Variants in LPP observed in about 807,000 individuals in gnomAD.
LPP encodes the protein lipoma-preferred partner.
In LPP, 38 loss-of-function variants were observed where a neutral mutation model predicts 60.4. The ratio of observed to expected loss-of-function variants is 0.63; its 90% CI spans 0.49 to 0.83. The LOEUF (loss-of-function observed/expected upper bound fraction) is 0.83. Ranked by LOEUF, LPP falls within the 40% of genes least tolerant of loss-of-function variation. The pLI is 0.00. For missense variants in LPP, 902 were observed against 783.6 expected (o/e 1.15, Z -1.80); for synonymous variants, 328 against 290.8 (o/e 1.13, Z -1.30).
intron 8 of LPP, among the ~76,000 whole-genome samples, chr3:188,720,079 A>C (rs1461492136): frequency 2.0e-5 from 3 of 152,040 alleles, no homozygotes; most frequent in African/African-American, 7.2e-5. Context: ...CGCCCAGCTA[A>C]TTTTTGTATT....
chr3:188,442,825 C>T (rs906349844), intron 4 of LPP, among the ~76,000 whole-genome samples: 42 of 152,094 alleles, frequency 2.8e-4, no homozygotes, highest in African/African-American at 1.0e-3. Flanking sequence ...AGTTACATGT[C>T]AGATTGAGGG....
At chr3:188,399,407 T>C (rs576734354) in intron 3 of LPP, among the ~76,000 whole-genome samples, 3 of 152,294 alleles carry the variant, frequency 2.0e-5, no homozygotes, top group African/African-American at 7.2e-5. Context: ...TTATTTAAAT[T>C]GTAACAGCTT....
At chr3:188,833,237 G>A (rs573046558) in intron 9 of LPP, among the ~76,000 whole-genome samples, 1 of 152,318 alleles carries the variant, frequency 6.6e-6, no homozygotes, top group East Asian at 1.9e-4. Context: ...AGATAAAGAG[G>A]AGACCAGCCC....
chr3:188,232,248 G>C (rs1304265032), intron 2 of LPP, among the ~76,000 whole-genome samples: 13 of 152,134 alleles, frequency 8.5e-5, no homozygotes. Flanking sequence ...AATGAGGAAC[G>C]CACAGCTTTG....
intron 9 of LPP, among the ~76,000 whole-genome samples, chr3:188,816,199 T>TC (rs1491294712): frequency 3.4e-5 from 1 of 29,354 alleles, no homozygotes; most frequent in African/African-American, 1.0e-4. Context: ...CTTCCTTCTC[T>TC]TTTTTTTTTT....
chr3:188,708,721 G>T, intron 8 of LPP: 1 of 410,968 alleles, frequency 2.4e-6, no homozygotes, highest in South Asian at 4.3e-5. Flanking sequence ...AGCTGAGTGT[G>T]GTGGCATGTG....
At chr3:188,603,539 G>T (rs1403621000) in intron 6 of LPP, among the ~76,000 whole-genome samples, 2 of 151,976 alleles carry the variant, frequency 1.3e-5, no homozygotes, top group Non-Finnish European at 2.9e-5. Flanking sequence ...TGGAAAATGA[G>T]GATTGGTTTC....
At chr3:188,184,113 T>C (rs1725885698) in intron 1 of LPP, among the ~76,000 whole-genome samples, 1 of 152,168 alleles carries the variant, frequency 6.6e-6, no homozygotes, top group African/African-American at 2.4e-5. Flanking sequence ...GGGATTCTAA[T>C]TCATCGGGGC....
intron 8 of LPP, among the ~76,000 whole-genome samples, chr3:188,724,975 G>T (rs934967470): frequency 6.6e-6 from 1 of 152,220 alleles, no homozygotes; most frequent in Non-Finnish European, 1.5e-5. Context: ...GGCTCACTCA[G>T]TCGGAAGTTG....
intron 9 of LPP, among the ~76,000 whole-genome samples, chr3:188,845,197 A>G (rs1761101065): frequency 6.6e-6 from 1 of 152,240 alleles, no homozygotes. Context: ...TTTCTAAAGA[A>G]GTACCTAGAA....
chr3:188,688,739 A>G, intron 7 of LPP: 1 of 476,996 alleles, frequency 2.1e-6, no homozygotes, highest in Non-Finnish European at 4.3e-6. Flanking sequence ...TGCATGGTAG[A>G]CAACATGCTT....
At chr3:188,451,139 T>A (rs1796505783) in intron 4 of LPP, among the ~76,000 whole-genome samples, 1 of 152,220 alleles carries the variant, frequency 6.6e-6, no homozygotes, top group African/African-American at 2.4e-5. Context: ...CTTCATGCCA[T>A]CACCAGCACG....
At chr3:188,283,665 A>T (rs1742896835) in intron 2 of LPP, among the ~76,000 whole-genome samples, 1 of 152,182 alleles carries the variant, frequency 6.6e-6, no homozygotes, top group East Asian at 1.9e-4. Flanking sequence ...AGCCCAGGAC[A>T]CTTGGGTTCC....
chr3:188,291,644 T>TC (rs1745998277), intron 2 of LPP, among the ~76,000 whole-genome samples: 1 of 42,324 alleles, frequency 2.4e-5, no homozygotes, highest in Non-Finnish European at 5.7e-5. Context: ...AGACTCTGTC[T>TC]CAAAAAAAAA....
At chr3:188,168,280 C>T (rs542114497) in intron 1 of LPP, among the ~76,000 whole-genome samples, 33 of 152,284 alleles carry the variant, frequency 2.2e-4, no homozygotes, top group African/African-American at 7.5e-4. Flanking sequence ...TACCCAGGGC[C>T]GTACAGCTTG....
chr3:188,237,618 G>A (rs183847611), intron 2 of LPP, among the ~76,000 whole-genome samples: 21 of 152,238 alleles, frequency 1.4e-4, no homozygotes, highest in African/African-American at 4.8e-4. Flanking sequence ...CTCCATCAGA[G>A]ATCTTGTGTG....
intron 8 of LPP, chr3:188,712,242 A>G (rs997682044): frequency 6.6e-6 from 1 of 152,280 alleles, no homozygotes; most frequent in Admixed American, 6.5e-5. Context: ...GCAAAGGACT[A>G]GTGAAAAGAA....
chr3:188,824,992 C>T (rs756078600), intron 9 of LPP, among the ~76,000 whole-genome samples: 2 of 152,070 alleles, frequency 1.3e-5, no homozygotes, highest in Non-Finnish European at 2.9e-5. Flanking sequence ...ATTCATCTTA[C>T]GTGACCAAGA....
chr3:188,674,381 T>A (rs1047924917), intron 7 of LPP, among the ~76,000 whole-genome samples: 12 of 152,202 alleles, frequency 7.9e-5, no homozygotes, highest in Admixed American at 2.6e-4. Context: ...TTCTCTCTTC[T>A]CTTTTTACTC....
Sources: gnomAD v4.1 joint callset for allele counts (sites outside exome capture counted in the v4.1 genomes callset) on GRCh38, gnomAD v4.1.1 for gene constraint, MANE v1.5 for transcripts, NCBI Gene and HGNC (gene_info 2026-07-23, HGNC 2026-07-21) for gene names.